MAP4K1: variants seen among roughly 807,000 people sequenced by gnomAD.
MAP4K1 encodes the protein mitogen-activated protein kinase kinase kinase kinase 1, also known as MAPK/ERK kinase kinase kinase 1.
A neutral mutation model predicts 122.8 loss-of-function variants in MAP4K1; 35 were observed. The ratio of observed to expected loss-of-function variants is 0.29; its 90% CI spans 0.22 to 0.38. The LOEUF (loss-of-function observed/expected upper bound fraction) is 0.38, where lower values mean the gene tolerates loss of function less well. Ranked by LOEUF, MAP4K1 falls within the 10% of genes least tolerant of loss-of-function variation. MAP4K1 has a pLI of 1.00. For synonymous variants in MAP4K1, 412 were observed against 421.3 expected, an observed-to-expected ratio of 0.98 and a Z score of 0.27; for missense variants, 791 against 1,072.6, an observed-to-expected ratio of 0.74 and a Z score of 3.67.
chr19:38,602,945 CAT>C (rs1336736655), intron 19 of MAP4K1, among the ~76,000 whole-genome samples: 2 of 141,618 alleles, frequency 1.4e-5, no homozygotes, highest in Admixed American at 7.5e-5. Context: ...TATACACATA[CAT>C]ATATACACAC....
In MAP4K1 at chr19:38,600,113, G is replaced by A. The variant is rs1568627865; in HGVS notation, c.1572C>T (p.Ile524=). 2 of 1,614,154 alleles carry A rather than the reference G, an allele frequency of 1.2e-6. No homozygotes were observed. The highest frequency in any genetic ancestry group is 1.3e-5 in the African/African-American group (1 of 75,038). The change falls in exon 21 of 31, where the codon ATC becomes ATT. Residue 524 remains isoleucine, a synonymous_variant. Coordinates refer to ENST00000396857, the MANE Select transcript of MAP4K1 (RefSeq NM_001042600.3). The part of the protein sequence containing the change: ...LLLGAEEGIF[I]LNRNDQEATL... ...TGGCCTCCTGGTCATTCCGGTTCAG[G>A]ATGAAGATGCCTTCCTCTGCCCCCA...
intron 9 of MAP4K1, among the ~76,000 whole-genome samples, chr19:38,612,201 C>T (rs1376162983): frequency 6.6e-6 from 1 of 152,026 alleles, no homozygotes; most frequent in African/African-American, 2.4e-5. Flanking sequence ...GGGCAGATAA[C>T]CTGAGGTCAG....
rs768152316 is a variant in MAP4K1, at chr19:38,611,057, C to G, written c.804G>C (p.Met268Ile). The G allele has an allele frequency of 1.2e-6, 2 of 1,612,030 alleles. No individual in the cohort carries two copies. Among genetic ancestry groups the G allele is most frequent in the Admixed American group, 1.7e-5 (1 of 59,702 alleles). The part of the protein sequence containing the change: ...SPKKRPSATK[M>I]LSHQLVSQPG... ...TTGGGGAAGGGAGGGTTACACTGAG[C>G]ATCTTGGTGGCGCTGGGTCGTTTCT... is the stretch of plus-strand genomic sequence containing the variant. Residue 268 changes from methionine to isoleucine, a missense_variant, in exon 11 of 31, where the codon ATG becomes ATC. Physicochemically the swap from Met to Ile is conservative, Grantham distance 10 (BLOSUM62 1). Around this residue, in one of 4 missense-constraint regions of MAP4K1, gnomAD observed 303 missense variants for 344.8 expected, o/e 0.88. Coordinates refer to ENST00000396857, the MANE Select transcript of MAP4K1 (RefSeq NM_001042600.3).
chr19:38,605,177 T>C (rs1975287098), intron 19 of MAP4K1, among the ~76,000 whole-genome samples: 2 of 151,394 alleles, frequency 1.3e-5, no homozygotes, highest in African/African-American at 4.9e-5. Context: ...CCACTTACCC[T>C]CTCTGTGCTT....
In MAP4K1 at chr19:38,601,837, A is replaced by G. The variant is rs1329541319; in HGVS notation, c.1447-312T>C. On this transcript the variant is annotated intron_variant, in intron 19 of 30. Transcript: ENST00000396857. ...CGGTTGCCCAGGCTGGAATGCAATG[A>G]CATGATCTCAGCTCACTACAACCTC... 24 of 354,238 alleles carry G rather than the reference A, an allele frequency of 6.8e-5. No homozygotes were observed. In the Admixed American group the frequency reaches 1.2e-3, roughly 18 times the overall value. 21.9% of individuals were successfully genotyped at this position (354,238 alleles called of 1,614,324 possible). A position where few individuals can be genotyped will look rare whatever the true frequency, so the allele number is the denominator to read the frequency against.
intron 29 of MAP4K1, 54 bp downstream of exon 29, chr19:38,595,431 T>C: frequency 6.3e-7 from 1 of 1,583,426 alleles, no homozygotes; most frequent in South Asian, 1.1e-5. Flanking sequence ...ATCTGATGAA[T>C]GTCATGATGG....
rs759287566 is a variant in MAP4K1 at position 38,596,445 on chromosome 19, C to T, written c.1983G>A (p.Ala661=). The change falls in exon 26 of 31, where the codon GCG becomes GCA. Residue 661 remains alanine (A), a synonymous_variant. Coordinates refer to ENST00000396857, the MANE Select transcript of MAP4K1 (RefSeq NM_001042600.3). ...GCTCAGAGCCTGGCCCGGTCAGCAGCGCGAACACGGACAGAGGCGTCGGCA... is the reference window on the plus strand; with the variant it reads ...GCTCAGAGCCTGGCCCGGTCAGCAGTGCGAACACGGACAGAGGCGTCGGCA... ...FPLPTPLSVF[A]LLTGPGSELP... 1.0e-5 allele frequency: 16 copies of T among 1,587,130 alleles called. No homozygotes were observed. Among genetic ancestry groups the T allele is most frequent in the African/African-American group, 1.3e-5 (1 of 74,676 alleles).
intron 30 of MAP4K1, chr19:38,589,408 C>A: frequency 6.2e-6 from 1 of 161,070 alleles, no homozygotes; most frequent in Non-Finnish European, 1.4e-5. Context: ...TGAATCTCCC[C>A]AAAAGATACT....
chr19:38,595,715 C>G lies in MAP4K1; in HGVS notation c.2194G>C (p.Val732Leu). Residue 732 changes from valine (V) to leucine (L), a missense_variant, in exon 28 of 31, where the codon GTG becomes CTG. This residue lies in a region of MAP4K1 where 267 missense variants were observed against 323.0 expected (regional missense o/e 0.83). Coordinates refer to ENST00000396857, the MANE Select transcript of MAP4K1 (RefSeq NM_001042600.3). Reference sequence around the variant, plus strand: ...CGGACTGGGGACCCCTCCGGGGTCACCAGCTTCACAGAGCCTGGAAGGAGA... The same window carrying G: ...CGGACTGGGGACCCCTCCGGGGTCAGCAGCTTCACAGAGCCTGGAAGGAGA... ...MVLMDGSVKL[V>L]TPEGSPVRGL... is the part of the protein sequence containing the mutation. The G allele has an allele frequency of 1.2e-6, 2 of 1,603,328 alleles. No individual in the cohort carries two copies. Among genetic ancestry groups the G allele is most frequent in the Non-Finnish European group, 1.7e-6 (2 of 1,175,988 alleles).
chr19:38,607,537 G>T (rs1975362447), intron 16 of MAP4K1, among the ~76,000 whole-genome samples: 2 of 141,974 alleles, frequency 1.4e-5, no homozygotes, highest in Non-Finnish European at 3.0e-5. Context: ...TCCAGCCTGG[G>T]CCACAGAGTG....
At chr19:38,607,580 A>G (rs973471840) in intron 16 of MAP4K1, among the ~76,000 whole-genome samples, 3 of 145,898 alleles carry the variant, frequency 2.1e-5, no homozygotes, top group Non-Finnish European at 4.5e-5. Context: ...AAAAAAAAAA[A>G]GAAGAAGGTG....
Position 38,587,655 on chromosome 19 carries a change from C to CA in MAP4K1, c.*92dup. On this transcript the variant is annotated 3_prime_UTR_variant, in exon 31 of 31. Coordinates refer to ENST00000396857, the MANE Select transcript of MAP4K1 (RefSeq NM_001042600.3). ...ACAAGATGACAGCAGAGGCTAAAGT[C>CA]ATGTTTATTGGGAGATGAGGACATG... 2 of 1,065,736 alleles carry CA rather than the reference C, an allele frequency of 1.9e-6. No individual in the cohort carries two copies. The highest frequency in any genetic ancestry group is 2.6e-5 in the South Asian group (2 of 77,496). 66.0% of individuals were successfully genotyped at this position (1,065,736 alleles called of 1,614,324 possible).
At chr19:38,592,893 G>A (rs1974768291) in intron 30 of MAP4K1, among the ~76,000 whole-genome samples, 1 of 151,204 alleles carries the variant, frequency 6.6e-6, no homozygotes, top group Admixed American at 6.6e-5. Context: ...CTCCAGCCTG[G>A]GCAACAAAAG....
intron 17 of MAP4K1, among the ~76,000 whole-genome samples, chr19:38,605,952 G>C (rs537451163): frequency 6.6e-6 from 1 of 152,180 alleles, no homozygotes; most frequent in Non-Finnish European, 1.5e-5. Flanking sequence ...TATAGCAGGG[G>C]CTTCCTAGGA....
In MAP4K1 at chr19:38,605,720, C is replaced by G; in HGVS notation, c.1211G>C (p.Arg404Pro). 1.2e-6 allele frequency: 2 copies of G among 1,605,890 alleles called. No homozygotes were observed. Among genetic ancestry groups the G allele is most frequent in the Non-Finnish European group, 1.7e-6 (2 of 1,178,126 alleles). ...PPPLPPKPKF[R>P]SPSDEGPGSM... Reference sequence around the variant, plus strand: ...CCCAGGACCCTCGTCTGATGGAGAACGGAACTTGGGCTTTGGAGACGGGAA... The same window carrying G: ...CCCAGGACCCTCGTCTGATGGAGAAGGGAACTTGGGCTTTGGAGACGGGAA... Residue 404 changes from arginine to proline, a missense_variant, in exon 18 of 31, where the codon CGT (arginine) becomes CCT (proline). Arg to Pro is a moderately radical substitution (Grantham distance 103). This residue lies in a region of MAP4K1 where 303 missense variants were observed against 344.8 expected (regional missense o/e 0.88). Transcript: ENST00000396857.
In MAP4K1 at chr19:38,605,501, G is replaced by A. The variant is rs1975297975; in HGVS notation, c.1364-10C>T. ...TTCCAGAGTGAGGGTTCTGAGAGGG[G>A]TTAGGAGAAAATCAGCCCCCAAGAA... On this transcript the variant is annotated splice_polypyrimidine_tract_variant and intron_variant, in intron 18 of 30. Coordinates refer to ENST00000396857, the MANE Select transcript of MAP4K1 (RefSeq NM_001042600.3). 1.3e-6 allele frequency: 2 copies of A among 1,571,078 alleles called. No individual in the cohort carries two copies. Among genetic ancestry groups the A allele is most frequent in the South Asian group, 1.2e-5 (1 of 85,292 alleles).
intron 30 of MAP4K1, among the ~76,000 whole-genome samples, chr19:38,591,166 G>A (rs180819187): frequency 6.6e-6 from 1 of 151,692 alleles, no homozygotes; most frequent in African/African-American, 2.4e-5. Flanking sequence ...CTCCAGCCTG[G>A]GCAACAAGAG....
Position 38,593,287 on chromosome 19 carries a change from G to T in MAP4K1, c.2391C>A (p.Ser797=). The change falls in exon 30 of 31, where the codon TCC becomes TCA. Residue 797 remains serine, a synonymous_variant. Transcript: ENST00000396857. ...CACCCCACCCCACAACATACCTGGGGGAGCCAAGCAGACGGAAAGTGAGGG... is the reference window on the plus strand; with the variant it reads ...CACCCCACCCCACAACATACCTGGGTGAGCCAAGCAGACGGAAAGTGAGGG... ...DPTLTFRLLG[S]PRPVVVETRP... is the part of the protein sequence containing the mutation. The T allele has an allele frequency of 6.2e-7, 1 of 1,612,056 alleles. No individual in the cohort carries two copies. Among genetic ancestry groups the T allele is most frequent in the Non-Finnish European group, 8.5e-7 (1 of 1,179,038 alleles).
At chr19:38,607,065 T>C (rs1469384245) in intron 16 of MAP4K1, among the ~76,000 whole-genome samples, 1 of 151,904 alleles carries the variant, frequency 6.6e-6, no homozygotes, top group Non-Finnish European at 1.5e-5. Flanking sequence ...GGCTGAAGGC[T>C]GGAGGGTGGG....
Sources: gnomAD v4.1 joint callset for allele counts (sites outside exome capture counted in the v4.1 genomes callset) on GRCh38, gnomAD v4.1.1 for gene constraint, gnomAD v4.1.1 regional missense constraint, MANE v1.5 for transcripts, NCBI Gene and HGNC (gene_info 2026-07-23, HGNC 2026-07-21) for gene names.